SLC8A3: variants seen among roughly 807,000 people sequenced by gnomAD.
SLC8A3 encodes sodium/calcium exchanger 3.
In SLC8A3, 37 loss-of-function variants were observed where a neutral mutation model predicts 65.4. The observed-to-expected ratio is 0.57, with a 90% confidence interval of 0.44 to 0.74. The LOEUF (loss-of-function observed/expected upper bound fraction) is 0.74, where lower values mean the gene tolerates loss of function less well. Ranked by LOEUF, SLC8A3 falls within the 30% of genes least tolerant of loss-of-function variation. The probability of loss-of-function intolerance (pLI) is 0.00; values close to 1 mark genes in which losing one functional copy is unlikely to be tolerated. For synonymous variants in SLC8A3, 461 were observed against 444.5 expected (o/e 1.04, Z -0.47); for missense variants, 1,112 against 1,172.1 (o/e 0.95, Z 0.75).
intron 2 of SLC8A3, among the ~76,000 whole-genome samples, chr14:70,097,934 G>A (rs977572396): frequency 7.9e-5 from 12 of 152,132 alleles, no homozygotes; most frequent in Non-Finnish European, 1.6e-4. Flanking sequence ...CCTAGATCCC[G>A]TCTTTGAACA....
intron 2 of SLC8A3, among the ~76,000 whole-genome samples, chr14:70,085,632 T>C (rs1891377143): frequency 6.6e-6 from 1 of 152,154 alleles, no homozygotes; most frequent in African/African-American, 2.4e-5. Flanking sequence ...AATAAAACAG[T>C]TTCAAGATTT....
chr14:70,057,886 C>CAGAGAG (rs113155498), intron 3 of SLC8A3, among the ~76,000 whole-genome samples: 1,668 of 150,880 alleles, frequency 0.011, 30 homozygotes, highest in African/African-American at 0.033. Context: ...CCCCATTCTT[C>CAGAGAG]AGAGAGAGAG....
In SLC8A3 at chr14:70,046,164, A is replaced by G; in HGVS notation, c.2549T>C (p.Val850Ala). The G allele has an allele frequency of 2.5e-6, 4 of 1,614,192 alleles. No homozygotes were observed. Among genetic ancestry groups the G allele is most frequent in the Non-Finnish European group, 3.4e-6 (4 of 1,180,032 alleles). The change falls in exon 7 of 7, where the codon GTG becomes GCG. Residue 850 changes from valine to alanine, a missense_variant. Physicochemically the swap from Val to Ala is moderately conservative, Grantham distance 64. Transcript: ENST00000356921. The surrounding 1 kb of genome is among the most constrained non-coding windows in gnomAD (Gnocchi z 4.2). ...YWALQGQEFH[V>A]SAGTLAFSVT... ...GGAGAAGGCCAGTGTGCCGGCCGAC[A>G]CGTGGAACTCCTGTCCCTGCAGAGC...
intron 1 of SLC8A3, among the ~76,000 whole-genome samples, chr14:70,169,195 G>A (rs890153418): frequency 2.0e-5 from 3 of 152,090 alleles, no homozygotes; most frequent in African/African-American, 2.4e-5. Flanking sequence ...CTTCCTCCCC[G>A]AATGCAAGAC....
chr14:70,075,460 G>A lies in SLC8A3; in HGVS notation c.1785-14521C>T, dbSNP rs943263600. ...TGTCTTCTTTGAGGACATTGCCTTT[G>A]AACTGTGCTCTGGAAAGGTGGTGTC... On this transcript the variant is annotated intron_variant, in intron 2 of 6. Transcript: ENST00000356921. Among the ~76,000 whole-genome samples, 3 of 152,270 alleles carry A rather than the reference G, an allele frequency of 2.0e-5. No individual in the cohort carries two copies. In the South Asian group the frequency reaches 6.2e-4, roughly 32 times the overall value.
chr14:70,134,099 C>T (rs770287078), intron 2 of SLC8A3, among the ~76,000 whole-genome samples: 39 of 152,204 alleles, frequency 2.6e-4, no homozygotes, highest in Admixed American at 2.0e-4. Flanking sequence ...AGCACTTGCT[C>T]ACAGCCAGTC....
At chr14:70,182,902 C>G (rs1882878056) in intron 1 of SLC8A3, among the ~76,000 whole-genome samples, 1 of 152,144 alleles carries the variant, frequency 6.6e-6, no homozygotes, top group Non-Finnish European at 1.5e-5. Context: ...CTCCTGGGCA[C>G]TGTGCAGGAA....
intron 2 of SLC8A3, among the ~76,000 whole-genome samples, chr14:70,070,079 C>A (rs1889873216): frequency 6.6e-6 from 1 of 152,154 alleles, no homozygotes; most frequent in Admixed American, 6.5e-5. Context: ...GCGTTTCAGT[C>A]AAATGCTGGA....
chr14:70,159,763 A>C (rs951189393), intron 2 of SLC8A3, among the ~76,000 whole-genome samples: 1 of 150,234 alleles, frequency 6.7e-6, no homozygotes, highest in Non-Finnish European at 1.5e-5. Context: ...TGTTGCCTGA[A>C]GCTCCAATTA....
chr14:70,114,021 T>C (rs1490960914), intron 2 of SLC8A3, among the ~76,000 whole-genome samples: 2 of 152,164 alleles, frequency 1.3e-5, no homozygotes, highest in Non-Finnish European at 2.9e-5. Flanking sequence ...CCTCCCTACA[T>C]GGCATTCATA....
chr14:70,086,376 CT>C (rs1566769286), intron 2 of SLC8A3, among the ~76,000 whole-genome samples: 1 of 149,114 alleles, frequency 6.7e-6, no homozygotes, highest in African/African-American at 2.5e-5. Flanking sequence ...TAATTTCTTT[CT>C]TTTCTTTTTT....
intron 2 of SLC8A3, among the ~76,000 whole-genome samples, chr14:70,132,321 A>G (rs1300965254): frequency 6.6e-6 from 1 of 152,096 alleles, no homozygotes; most frequent in South Asian, 2.1e-4. Flanking sequence ...ATCCCTTTGC[A>G]CTCTTTTAGT....
intron 3 of SLC8A3, among the ~76,000 whole-genome samples, chr14:70,055,617 C>A (rs1474131018): frequency 2.0e-5 from 3 of 152,192 alleles, no homozygotes; most frequent in Admixed American, 2.0e-4. Flanking sequence ...GCCTTCCTCA[C>A]AATTGCTTTC....
At chr14:70,179,268 G>A (rs572028546) in intron 1 of SLC8A3, among the ~76,000 whole-genome samples, 24 of 151,594 alleles carry the variant, frequency 1.6e-4, no homozygotes, top group South Asian at 4.2e-4. Context: ...ATCACTTTTC[G>A]TTTTCTTTAC....
chr14:70,120,913 GA>G (rs1325420382), intron 2 of SLC8A3, among the ~76,000 whole-genome samples: 1 of 152,134 alleles, frequency 6.6e-6, no homozygotes, highest in Admixed American at 6.5e-5. Flanking sequence ...ATGACGGAGG[GA>G]GTTTTAGTGC....
At chr14:70,062,019 T>C (rs1454067049) in intron 2 of SLC8A3, among the ~76,000 whole-genome samples, 1 of 151,708 alleles carries the variant, frequency 6.6e-6, no homozygotes, top group Non-Finnish European at 1.5e-5. Context: ...TGGTTTCTTC[T>C]GGTCCTTCAT....
chr14:70,094,270 C>G (rs1319320880), intron 2 of SLC8A3, among the ~76,000 whole-genome samples: 1 of 152,222 alleles, frequency 6.6e-6, no homozygotes, highest in African/African-American at 2.4e-5. Flanking sequence ...GCACATAGAA[C>G]ACAACATTGC....
intron 2 of SLC8A3, among the ~76,000 whole-genome samples, chr14:70,068,443 A>C (rs557890409): frequency 8.1e-4 from 123 of 152,172 alleles, no homozygotes; most frequent in African/African-American, 2.8e-3. Context: ...CAGTGGTGTG[A>C]TCATGACTCA....
intron 2 of SLC8A3, among the ~76,000 whole-genome samples, chr14:70,166,424 C>T (rs1298034327): frequency 6.6e-6 from 1 of 152,174 alleles, no homozygotes; most frequent in Non-Finnish European, 1.5e-5. Flanking sequence ...TCACAGGATT[C>T]CTTGCCCAGA....
Sources: gnomAD v4.1 joint callset for allele counts (sites outside exome capture counted in the v4.1 genomes callset) on GRCh38, gnomAD v4.1.1 for gene constraint, Gnocchi (gnomAD v3.1) non-coding constraint, MANE v1.5 for transcripts, NCBI Gene and HGNC (gene_info 2026-07-23, HGNC 2026-07-21) for gene names.